The following LUC7L variants were observed in gnomAD, a reference collection of about 807,000 sequenced individuals.
LUC7L encodes LUC7 like, also known as putative RNA-binding protein Luc7-like 1.
LUC7L carries 29 observed loss-of-function variants against 51.1 expected under a neutral mutation model. The observed-to-expected ratio is 0.57, with a 90% CI of 0.42 to 0.77. LUC7L has a LOEUF of 0.77. Ranked by LOEUF, LUC7L falls within the 30% of genes least tolerant of loss-of-function variation. The pLI is 0.00. For missense variants in LUC7L, 403 were observed against 511.9 expected (o/e 0.79, Z 2.05); for synonymous variants, 181 against 180.7 (o/e 1.00, Z -0.01).
chr16:194,972 T>C (rs182740383), intron 6 of LUC7L, among the ~76,000 whole-genome samples: 1 of 152,104 alleles, frequency 6.6e-6, no homozygotes, highest in African/African-American at 2.4e-5. Context: ...GGCATAAGGA[T>C]AATCTTCCAT....
chr16:212,767 A>G (rs2049680407), intron 3 of LUC7L, among the ~76,000 whole-genome samples: 2 of 152,066 alleles, frequency 1.3e-5, no homozygotes, highest in Admixed American at 6.6e-5. Context: ...ACATGTGAAC[A>G]CTAAAGAAAT....
At chr16:190,409 T>A in intron 8 of LUC7L, 132 bp downstream of exon 8, 1 of 994,344 alleles carries the variant, frequency 1.0e-6, no homozygotes, top group Admixed American at 1.9e-5. Context: ...CCAAGCAACC[T>A]CTTGCCCTGT....
chr16:215,311 C>A (rs1009161143), intron 3 of LUC7L, among the ~76,000 whole-genome samples: 7 of 151,838 alleles, frequency 4.6e-5, no homozygotes, highest in Non-Finnish European at 8.8e-5. Flanking sequence ...CATGGTGAAA[C>A]CCTGCCTACT....
At chr16:206,417 AT>A (rs2049485875) in intron 4 of LUC7L, among the ~76,000 whole-genome samples, 1 of 152,190 alleles carries the variant, frequency 6.6e-6, no homozygotes, top group Non-Finnish European at 1.5e-5. Context: ...GTCTCTCTTT[AT>A]GACTTTTTCT....
chr16:215,336 T>C (rs560695601), intron 3 of LUC7L, among the ~76,000 whole-genome samples: 1 of 150,062 alleles, frequency 6.7e-6, no homozygotes, highest in Non-Finnish European at 1.5e-5. Context: ...ATACAAAAAA[T>C]TGGGCCGGGC....
At chr16:200,259 A>T (rs996805177) in intron 5 of LUC7L, among the ~76,000 whole-genome samples, 11 of 151,952 alleles carry the variant, frequency 7.2e-5, no homozygotes, top group East Asian at 3.9e-4. Context: ...CGTCTCTACT[A>T]AAAAAACAGA....
chr16:223,606 G>A (rs1255349051), intron 2 of LUC7L, among the ~76,000 whole-genome samples: 1 of 151,988 alleles, frequency 6.6e-6, no homozygotes, highest in African/African-American at 2.4e-5. Flanking sequence ...GGTTCTAGAA[G>A]CCAAATTTGC....
intron 4 of LUC7L, among the ~76,000 whole-genome samples, chr16:206,653 T>A (rs1322351102): frequency 6.6e-6 from 1 of 152,078 alleles, no homozygotes; most frequent in African/African-American, 2.4e-5. Context: ...TGGCACTCAG[T>A]CTAATTACAT....
chr16:194,104 C>A (rs1038690714), intron 6 of LUC7L, among the ~76,000 whole-genome samples: 37 of 143,318 alleles, frequency 2.6e-4, no homozygotes, highest in African/African-American at 9.0e-4. Flanking sequence ...CGCTTGGCCA[C>A]TTTTTTTTTT....
chr16:226,644 A>C (rs1469199436), intron 2 of LUC7L, among the ~76,000 whole-genome samples: 1 of 152,222 alleles, frequency 6.6e-6, no homozygotes, highest in African/African-American at 2.4e-5. Context: ...CTAGATCAAA[A>C]GTTTTCCACA....
chr16:217,860 G>A (rs1010765465), intron 3 of LUC7L, among the ~76,000 whole-genome samples: 10 of 151,946 alleles, frequency 6.6e-5, no homozygotes, highest in Non-Finnish European at 1.2e-4. Flanking sequence ...CCAAAATGGT[G>A]AAACCTCATC....
intron 3 of LUC7L, among the ~76,000 whole-genome samples, chr16:214,460 C>T (rs1393676870): frequency 6.6e-6 from 1 of 152,170 alleles, no homozygotes; most frequent in East Asian, 1.9e-4. Context: ...ACTCATTTCT[C>T]TTCTTGGGCA....
intron 2 of LUC7L, among the ~76,000 whole-genome samples, chr16:224,258 C>T (rs565477938): frequency 6.6e-6 from 1 of 151,886 alleles, no homozygotes; most frequent in Admixed American, 6.6e-5. Context: ...GTGGCTCATG[C>T]CTATAATCCC....
intron 2 of LUC7L, among the ~76,000 whole-genome samples, chr16:221,692 G>A (rs2049973460): frequency 6.6e-6 from 1 of 151,730 alleles, no homozygotes. Flanking sequence ...GATAAAGTGA[G>A]ACTCTGTCTC....
At chr16:196,768 C>G (rs1459556311) in intron 6 of LUC7L, among the ~76,000 whole-genome samples, 1 of 152,008 alleles carries the variant, frequency 6.6e-6, no homozygotes, top group Non-Finnish European at 1.5e-5. Context: ...CTTAAGTGAT[C>G]CGCCCTCCTC....
chr16:220,420 T>C, intron 3 of LUC7L: 1 of 437,024 alleles, frequency 2.3e-6, no homozygotes, highest in East Asian at 3.8e-5. Context: ...ATTAAAATTT[T>C]TAAAAGCAAC....
chr16:198,928 C>T, intron 6 of LUC7L, 134 bp downstream of exon 6: 1 of 769,128 alleles, frequency 1.3e-6, no homozygotes, highest in South Asian at 2.6e-5. Context: ...GATTCGCCCA[C>T]CTCGGCCTCC....
At chr16:211,383 G>C (rs2049635148) in intron 3 of LUC7L, among the ~76,000 whole-genome samples, 1 of 152,108 alleles carries the variant, frequency 6.6e-6, no homozygotes, top group Non-Finnish European at 1.5e-5. Flanking sequence ...GCTTGAACCT[G>C]GGAGGCGGAG....
rs2048938622 is a variant in LUC7L at position 189,042 on chromosome 16, C to T, written c.*156G>A. ...TCCTACTCAACATGACCCGGGAACA[C>T]AGGAGCAACTCTGTACACTTCTAGA... On this transcript the variant is annotated 3_prime_UTR_variant, in exon 10 of 10. Coordinates refer to ENST00000293872, the MANE Select transcript of LUC7L (RefSeq NM_201412.3). 3 of 811,250 alleles carry T rather than the reference C, an allele frequency of 3.7e-6. No individual in the cohort carries two copies. The South Asian group carries it at 5.8e-5, about 16-fold the overall frequency. 50.3% of individuals were successfully genotyped at this position (811,250 alleles called of 1,614,324 possible).
Sources: gnomAD v4.1 joint callset for allele counts (sites outside exome capture counted in the v4.1 genomes callset) on GRCh38, gnomAD v4.1.1 for gene constraint, MANE v1.5 for transcripts, NCBI Gene and HGNC (gene_info 2026-07-23, HGNC 2026-07-21) for gene names.